Variants in KCNN2 observed in about 807,000 individuals in gnomAD.
KCNN2 encodes potassium calcium-activated channel subfamily N member 2.
In KCNN2, 24 loss-of-function variants were observed where a neutral mutation model predicts 55.5. That is an observed-to-expected ratio of 0.43 (90% confidence interval 0.31 to 0.61). The LOEUF (loss-of-function observed/expected upper bound fraction) is 0.61, where lower values mean the gene tolerates loss of function less well. Among genes scored for constraint, KCNN2 ranks in the 20% least tolerant of loss-of-function variants. The pLI is 0.08. For missense variants in KCNN2, 754 were observed against 853.6 expected, an observed-to-expected ratio of 0.88 and a Z score of 1.45; for synonymous variants, 431 against 336.1, an observed-to-expected ratio of 1.28 and a Z score of -3.09.
chr5:114,107,019 A>C (rs549221057), intron 1 of KCNN2, among the ~76,000 whole-genome samples: 3 of 152,170 alleles, frequency 2.0e-5, no homozygotes, highest in Non-Finnish European at 4.4e-5. Context: ...TTCACATTTA[A>C]GTCTTTAAGT....
chr5:114,307,165 T>C (rs1229564413), intron 2 of KCNN2, among the ~76,000 whole-genome samples: 1 of 152,152 alleles, frequency 6.6e-6, no homozygotes, highest in African/African-American at 2.4e-5. Flanking sequence ...AGAATATTTA[T>C]TTACACATTT....
intron 2 of KCNN2, among the ~76,000 whole-genome samples, chr5:114,401,711 T>C (rs1162199747): frequency 1.3e-5 from 2 of 152,082 alleles, no homozygotes; most frequent in African/African-American, 4.8e-5. Flanking sequence ...GGAATACAAA[T>C]TTGCTAGATG....
chr5:114,071,503 A>G (rs1044297492), intron 1 of KCNN2, among the ~76,000 whole-genome samples: 2 of 152,236 alleles, frequency 1.3e-5, no homozygotes, highest in Non-Finnish European at 2.9e-5. Context: ...CAACTTCTAT[A>G]GTAAAGGAAG....
At chr5:114,102,396 C>T (rs1303912481) in intron 1 of KCNN2, among the ~76,000 whole-genome samples, 1 of 151,954 alleles carries the variant, frequency 6.6e-6, no homozygotes, top group Admixed American at 6.6e-5. Flanking sequence ...TGCCTGTTCA[C>T]TCTAATGATA....
At chr5:114,241,749 TATGTATATATATACGTATATATATAC>T (rs1196427372) in intron 2 of KCNN2, among the ~76,000 whole-genome samples, 176 of 10,398 alleles carry the variant, frequency 0.017, 43 homozygotes, top group East Asian at 0.029. Context: ...TACGTATATA[TATGTATATATATACGTATATATATAC>T]ATATATACGT....
intron 2 of KCNN2, among the ~76,000 whole-genome samples, chr5:114,272,370 C>T (rs5011082): frequency 0.94 from 130,653 of 138,302 alleles, 61,762 homozygotes; most frequent in Middle Eastern, 0.99. Context: ...TATACACACA[C>T]ATATGTATGT....
chr5:114,409,468 A>G (rs987331618), intron 3 of KCNN2, among the ~76,000 whole-genome samples: 1 of 152,116 alleles, frequency 6.6e-6, no homozygotes, highest in Non-Finnish European at 1.5e-5. Context: ...TATAACACAC[A>G]GCTTTTCTAT....
chr5:114,159,848 C>T (rs1321376682), intron 1 of KCNN2, among the ~76,000 whole-genome samples: 4 of 151,990 alleles, frequency 2.6e-5, no homozygotes, highest in South Asian at 2.1e-4. Flanking sequence ...TCGGTGGTGA[C>T]ATCCCCTTTG....
At chr5:114,216,661 A>C (rs1375392523) in intron 1 of KCNN2, among the ~76,000 whole-genome samples, 2 of 151,948 alleles carry the variant, frequency 1.3e-5, no homozygotes, top group Non-Finnish European at 2.9e-5. Flanking sequence ...ATATACGAAA[A>C]CCCACCAGCT....
chr5:114,264,465 T>A (rs1052225696), intron 2 of KCNN2, among the ~76,000 whole-genome samples: 9 of 152,128 alleles, frequency 5.9e-5, no homozygotes, highest in African/African-American at 1.9e-4. Flanking sequence ...GCTTTTGTCA[T>A]AAAACTACAA....
chr5:114,368,192 T>C (rs1199680572), intron 2 of KCNN2, among the ~76,000 whole-genome samples: 1 of 152,150 alleles, frequency 6.6e-6, no homozygotes, highest in African/African-American at 2.4e-5. Context: ...CTGAAAATCT[T>C]AAGTATACAT....
intron 1 of KCNN2, among the ~76,000 whole-genome samples, chr5:114,097,947 T>C (rs1470367344): frequency 6.6e-6 from 1 of 152,202 alleles, no homozygotes; most frequent in Non-Finnish European, 1.5e-5. Flanking sequence ...ACAACATGTT[T>C]ATTTTCCTAC....
At chr5:114,363,769 G>A in intron 1 of KCNN2, 137 bp from the exon 2 acceptor site, 1 of 631,816 alleles carries the variant, frequency 1.6e-6, no homozygotes, top group Non-Finnish European at 2.8e-6. Context: ...ACAGAGCCAA[G>A]ACAGGTGCAC....
intron 2 of KCNN2, among the ~76,000 whole-genome samples, chr5:114,313,848 A>G (rs1451821970): frequency 6.6e-6 from 1 of 152,166 alleles, no homozygotes; most frequent in East Asian, 1.9e-4. Flanking sequence ...AGTGTAATTC[A>G]TAAGAATCAG....
Position 114,310,866 on chromosome 5 carries a change from C to A in KCNN2, c.-184-50079C>A, listed in dbSNP as rs926054982. On this transcript the variant is annotated intron_variant, in intron 2 of 10. Coordinates refer to the KCNN2 transcript ENST00000512097. ...TGTTCTGTTTTTAAAAAGCAAAACT[C>A]ATTTCCCTTTCTCTGGGAGCGAGTG... is the stretch of plus-strand genomic sequence containing the variant. 1.1e-4 allele frequency among the ~76,000 whole-genome samples: 16 copies of A among 152,110 alleles called. 1 individual carries two copies. The highest frequency in any genetic ancestry group is 3.9e-4 in the African/African-American group (16 of 41,424).
intron 3 of KCNN2, among the ~76,000 whole-genome samples, chr5:114,408,711 T>G (rs891441315): frequency 1.3e-5 from 2 of 152,314 alleles, no homozygotes; most frequent in Middle Eastern, 3.4e-3. Context: ...TGGTCTCTAG[T>G]GCATCTGCTT....
At chr5:114,454,298 C>T (rs1760821748) in intron 3 of KCNN2, among the ~76,000 whole-genome samples, 1 of 152,092 alleles carries the variant, frequency 6.6e-6, no homozygotes, top group Non-Finnish European at 1.5e-5. Context: ...CTTTCTTCCT[C>T]CCTCCTTTTT....
At position 114,286,907 on chromosome 5, in the gene KCNN2, TTAGAAA is replaced by T. The variant is rs1755765846; in HGVS notation, c.-185+65347_-185+65352del. On this transcript the variant is annotated intron_variant, in intron 2 of 10. Coordinates refer to the KCNN2 transcript ENST00000512097. ...CATGACGGAAGTGTCTATTAAGCAG[TTAGAAA>T]TAGATCCAGCAATTATAGATTTTGA... Among the ~76,000 whole-genome samples, 2 of 152,212 alleles carry T rather than the reference TTAGAAA, an allele frequency of 1.3e-5. 1 individual carries two copies. Among genetic ancestry groups the T allele is most frequent in the South Asian group, 4.1e-4 (2 of 4,832 alleles).
intron 1 of KCNN2, among the ~76,000 whole-genome samples, chr5:114,126,237 A>G (rs938433477): frequency 3.3e-5 from 5 of 152,164 alleles, no homozygotes; most frequent in African/African-American, 1.2e-4. Context: ...CTATTGCTGA[A>G]TAAGGTCACT....
Sources: allele counts gnomAD v4.1 joint callset (sites outside exome capture counted in the v4.1 genomes callset), GRCh38; gene constraint gnomAD v4.1.1; transcripts MANE v1.5; gene names NCBI Gene and HGNC (gene_info 2026-07-23, HGNC 2026-07-21).